Variants in EFR3A observed in about 807,000 individuals in gnomAD.
EFR3A encodes EFR3 homolog A, also known as protein EFR3 homolog A.
EFR3A carries 76 observed loss-of-function variants against 104.4 expected under a neutral mutation model. That is an observed-to-expected ratio of 0.73 (90% CI 0.60 to 0.88). The LOEUF (loss-of-function observed/expected upper bound fraction) is 0.88. Among genes scored for constraint, EFR3A ranks in the 40% least tolerant of loss-of-function variants. EFR3A has a pLI of 0.00. For missense variants in EFR3A, 985 were observed against 1,012.5 expected (o/e 0.97, Z 0.37); for synonymous variants, 330 against 330.0 (o/e 1.00, Z 0.00).
At chr8:131,946,425 A>C in intron 3 of EFR3A, 58 bp from the exon 4 acceptor site, 1 of 1,421,750 alleles carries the variant, frequency 7.0e-7, no homozygotes. Flanking sequence ...AATGTAAAGC[A>C]CTTAGGAGAA....
chr8:131,998,527 T>C (rs1821617213), intron 19 of EFR3A, among the ~76,000 whole-genome samples: 1 of 152,048 alleles, frequency 6.6e-6, no homozygotes, highest in Non-Finnish European at 1.5e-5. Context: ...TCTATTGAAA[T>C]ACCTGATCCA....
intron 1 of EFR3A, among the ~76,000 whole-genome samples, chr8:131,939,609 G>A (rs574297592): frequency 4.4e-4 from 67 of 152,122 alleles, no homozygotes; most frequent in Non-Finnish European, 7.5e-4. Flanking sequence ...TTTTTTAGAC[G>A]TGTGGCTAGT....
In EFR3A at chr8:131,944,866, G is replaced by A. The variant is rs1253102043; in HGVS notation, c.209G>A (p.Arg70His). Reference sequence around the variant, plus strand: ...TTGAGCAGGGATGTTGTCAGACATCGTTCTGGGTAAGGAAACTAATGGCTG... The same window carrying A: ...TTGAGCAGGGATGTTGTCAGACATCATTCTGGGTAAGGAAACTAATGGCTG... Reference protein sequence around the residue: ...ERLSRDVVRHRSGYVLIAMEA... With the variant: ...ERLSRDVVRHHSGYVLIAMEA... The change falls in exon 3 of 23, where the codon CGT becomes CAT. Residue 70 changes from arginine (R) to histidine (H), a missense_variant. Arg to His is a conservative substitution (Grantham distance 29, BLOSUM62 0). Transcript: ENST00000254624. 7 of 1,608,430 alleles carry A rather than the reference G, an allele frequency of 4.4e-6. No homozygotes were observed. Among genetic ancestry groups the A allele is most frequent in the Non-Finnish European group, 5.1e-6 (6 of 1,177,736 alleles).
At chr8:131,906,631 C>T (rs1586507247) in intron 1 of EFR3A, among the ~76,000 whole-genome samples, 1 of 152,202 alleles carries the variant, frequency 6.6e-6, no homozygotes, top group African/African-American at 2.4e-5. Flanking sequence ...TGATATATCT[C>T]ATGAATATTA....
At chr8:131,907,698 CA>C (rs1432218230) in intron 1 of EFR3A, among the ~76,000 whole-genome samples, 1 of 152,150 alleles carries the variant, frequency 6.6e-6, no homozygotes, top group East Asian at 1.9e-4. Context: ...ACATTACATG[CA>C]AACTTGACCT....
chr8:131,913,687 T>C (rs1485630352), intron 1 of EFR3A, among the ~76,000 whole-genome samples: 1 of 152,210 alleles, frequency 6.6e-6, no homozygotes, highest in Non-Finnish European at 1.5e-5. Context: ...CTAAGTGTTC[T>C]TCACATCCCT....
chr8:131,923,406 TAATAA>T (rs1817146631), intron 1 of EFR3A, among the ~76,000 whole-genome samples: 1 of 152,038 alleles, frequency 6.6e-6, no homozygotes, highest in Admixed American at 6.6e-5. Flanking sequence ...TTGTGACATA[TAATAA>T]AATGTTTTGT....
At chr8:131,934,490 T>C (rs1475534336) in intron 1 of EFR3A, among the ~76,000 whole-genome samples, 1 of 152,170 alleles carries the variant, frequency 6.6e-6, no homozygotes, top group African/African-American at 2.4e-5. Context: ...TGTCCTAAAA[T>C]GTCCAAGGTT....
At chr8:131,953,402 G>A (rs185172536) in intron 5 of EFR3A, among the ~76,000 whole-genome samples, 1 of 152,196 alleles carries the variant, frequency 6.6e-6, no homozygotes, top group African/African-American at 2.4e-5. Context: ...GGCTGTTAGG[G>A]AGGAACAGTG....
intron 1 of EFR3A, among the ~76,000 whole-genome samples, chr8:131,933,904 G>A (rs1194406386): frequency 6.6e-6 from 1 of 152,020 alleles, no homozygotes; most frequent in Non-Finnish European, 1.5e-5. Context: ...GCAATGTAAG[G>A]AGAAGACCAT....
intron 1 of EFR3A, among the ~76,000 whole-genome samples, chr8:131,918,285 TCAA>T (rs570798606): frequency 0.02 from 3,110 of 152,150 alleles, 46 homozygotes; most frequent in South Asian, 0.042. Context: ...AGACTCTGTC[TCAA>T]CAACAACAAC....
intron 14 of EFR3A, among the ~76,000 whole-genome samples, chr8:131,981,302 A>C (rs1325092459): frequency 6.6e-6 from 1 of 152,046 alleles, no homozygotes; most frequent in Non-Finnish European, 1.5e-5. Flanking sequence ...GCTGTAATTT[A>C]ACGGCAAGAT....
chr8:131,986,298 G>T, intron 17 of EFR3A, 37 bp downstream of exon 17: 1 of 1,102,358 alleles, frequency 9.1e-7, no homozygotes. Flanking sequence ...ATGGGGTACT[G>T]ACTTGATAAA....
intron 18 of EFR3A, among the ~76,000 whole-genome samples, 176 bp from the exon 19 acceptor site, chr8:131,996,230 C>T (rs950653239): frequency 6.6e-6 from 1 of 152,014 alleles, no homozygotes; most frequent in Non-Finnish European, 1.5e-5. Flanking sequence ...TTTTAATCTG[C>T]TTCACGAAAT....
At position 131,986,229 on chromosome 8, in the gene EFR3A, T is replaced by C; in HGVS notation, c.1905T>C (p.Phe635=). The C allele has an allele frequency of 6.3e-7, 1 of 1,594,382 alleles. No individual in the cohort carries two copies. The highest frequency in any genetic ancestry group is 8.6e-7 in the Non-Finnish European group (1 of 1,164,998). The part of the protein sequence containing the change: ...IEIRTMEAPY[F]LPEHIFRDKC... ...TTCGAACTATGGAAGCCCCTTATTT[T>C]CTACCAGAGCATATCTTCAGAGATA... The change falls in exon 17 of 23, where the codon TTT becomes TTC. Residue 635 remains phenylalanine, a synonymous_variant. Transcript: ENST00000254624.
chr8:131,914,029 G>T (rs1816639868), intron 1 of EFR3A, among the ~76,000 whole-genome samples: 1 of 152,186 alleles, frequency 6.6e-6, no homozygotes, highest in African/African-American at 2.4e-5. Flanking sequence ...ACGTAACTGT[G>T]CTTTAGAGGT....
At chr8:131,949,041 A>G (rs1030741775) in intron 4 of EFR3A, among the ~76,000 whole-genome samples, 1 of 152,084 alleles carries the variant, frequency 6.6e-6, no homozygotes, top group African/African-American at 2.4e-5. Context: ...AAAGTGTTTC[A>G]AATATAGAAA....
At chr8:131,979,464 AGCCGTTTGAATTGTTAGGTGGTTT>A (rs1820493834) in intron 14 of EFR3A, 43 bp downstream of exon 14, 1 of 1,348,602 alleles carries the variant, frequency 7.4e-7, no homozygotes, top group Non-Finnish European at 1.0e-6. Flanking sequence ...TGTAAATTAC[AGCCGTTTGAATTGTTAGGTGGTTT>A]TATATTGATC....
At chr8:132,010,447 T>TAC (rs1822284402) in intron 22 of EFR3A, among the ~76,000 whole-genome samples, 3 of 126,012 alleles carry the variant, frequency 2.4e-5, no homozygotes, top group Non-Finnish European at 5.0e-5. Flanking sequence ...TATATATATA[T>TAC]ATAATGAAAT....
Sources: gnomAD v4.1 joint callset for allele counts (sites outside exome capture counted in the v4.1 genomes callset) on GRCh38, gnomAD v4.1.1 for gene constraint, MANE v1.5 for transcripts, NCBI Gene and HGNC (gene_info 2026-07-23, HGNC 2026-07-21) for gene names.